The following IQSEC3 variants were observed in gnomAD, a reference collection of about 807,000 sequenced individuals.
IQSEC3 encodes IQ motif and Sec7 domain ArfGEF 3.
A neutral mutation model predicts 105.4 loss-of-function variants in IQSEC3; 50 were observed. The observed-to-expected ratio is 0.47, with a 90% confidence interval of 0.38 to 0.60. IQSEC3 has a LOEUF of 0.60. Ranked by LOEUF, IQSEC3 falls within the 20% of genes least tolerant of loss-of-function variation. The pLI, the probability that IQSEC3 is intolerant of heterozygous loss-of-function variation, is 0.00. For synonymous variants in IQSEC3, 708 were observed against 746.0 expected (o/e 0.95, Z 0.83); for missense variants, 1,415 against 1,630.0 (o/e 0.87, Z 2.27).
intron 13 of IQSEC3, 132 bp downstream of exon 13, chr12:171,293 C>G (rs1938981097): frequency 1.2e-6 from 2 of 1,613,942 alleles, no homozygotes; most frequent in African/African-American, 2.7e-5. Context: ...TTACCAATTT[C>G]AAGAGATACA....
At chr12:133,079 G>C (rs1327117098) in intron 3 of IQSEC3, among the ~76,000 whole-genome samples, 1 of 152,226 alleles carries the variant, frequency 6.6e-6, no homozygotes, top group African/African-American at 2.4e-5. Context: ...CATCAAAGTA[G>C]AAGTTAAGAG....
At chr12:148,409 A>C (rs1215025800) in intron 5 of IQSEC3, 2 of 152,218 alleles carry the variant, frequency 1.3e-5, no homozygotes, top group Admixed American at 1.3e-4. Context: ...CGAGCCCAGC[A>C]AAAGAAAAAT....
At chr12:126,806 C>A (rs1487873346) in intron 3 of IQSEC3, among the ~76,000 whole-genome samples, 1 of 152,212 alleles carries the variant, frequency 6.6e-6, no homozygotes, top group African/African-American at 2.4e-5. Flanking sequence ...GAGAACAATT[C>A]TTCAACCCAA....
At chr12:155,789 G>A (rs1203826879) in intron 5 of IQSEC3, among the ~76,000 whole-genome samples, 1 of 152,176 alleles carries the variant, frequency 6.6e-6, no homozygotes, top group African/African-American at 2.4e-5. Flanking sequence ...TGGGAGCAGA[G>A]TGGGACTGCT....
chr12:113,469 T>G lies in IQSEC3; in HGVS notation c.624-12164T>G, dbSNP rs1774045350. ...GGAGCAGAGGCTTTAAACCTGCTTC[T>G]TCCTTGTTCCTGTTTGAATGTGTCA... On this transcript the variant is annotated intron_variant, in intron 2 of 13. Coordinates refer to ENST00000538872, the MANE Select transcript of IQSEC3 (RefSeq NM_001170738.2). Among the ~76,000 whole-genome samples, 8 of 152,360 alleles carry G rather than the reference T, an allele frequency of 5.3e-5. No individual in the cohort carries two copies. The South Asian group carries it at 1.7e-3, about 32-fold the overall frequency.
At chr12:87,132 G>C (rs1270783943) in intron 1 of IQSEC3, among the ~76,000 whole-genome samples, 1 of 152,148 alleles carries the variant, frequency 6.6e-6, no homozygotes, top group Non-Finnish European at 1.5e-5. Flanking sequence ...AGTTTTGGCA[G>C]AGCTTATTGG....
In IQSEC3 at chr12:134,792, G is replaced by A. The variant is rs1299123081; in HGVS notation, c.904-3475G>A. 2.7e-5 allele frequency among the ~76,000 whole-genome samples: 4 copies of A among 150,370 alleles called. No homozygotes were observed. The South Asian group carries it at 6.3e-4, about 24-fold the overall frequency. On this transcript the variant is annotated intron_variant, in intron 3 of 13. Coordinates refer to ENST00000538872, the MANE Select transcript of IQSEC3 (RefSeq NM_001170738.2). Reference sequence around the variant, plus strand: ...ACATGCCTGTAATCCCAGCACTTTGGGAGGCCAAGGTGGGGTATAAATAGG... The same window carrying A: ...ACATGCCTGTAATCCCAGCACTTTGAGAGGCCAAGGTGGGGTATAAATAGG...
In IQSEC3 at chr12:125,805, C is replaced by T; in HGVS notation, c.796C>T (p.His266Tyr). 2 of 1,526,124 alleles carry T rather than the reference C, an allele frequency of 1.3e-6. No homozygotes were observed. Among genetic ancestry groups the T allele is most frequent in the Non-Finnish European group, 1.7e-6 (2 of 1,142,976 alleles). 94.5% of individuals were successfully genotyped at this position (1,526,124 alleles called of 1,614,324 possible). A position where few individuals can be genotyped will look rare whatever the true frequency, so the allele number is the denominator to read the frequency against. ...GAASPRAGPQHKASPGRQQPA... is the reference protein window; with the variant it reads ...GAASPRAGPQYKASPGRQQPA... ...TGCCTCCCCAAGGGCTGGCCCCCAG[C>T]ACAAGGCCTCCCCCGGCCGGCAGCA... The change falls in exon 3 of 14, where the codon CAC becomes TAC. Residue 266 changes from histidine (H) to tyrosine (Y), a missense_variant. By Grantham distance (83) the His-to-Tyr change is moderately conservative. Transcript: ENST00000538872.
At chr12:102,598 C>T (rs1864462564) in intron 2 of IQSEC3, among the ~76,000 whole-genome samples, 1 of 152,218 alleles carries the variant, frequency 6.6e-6, no homozygotes, top group African/African-American at 2.4e-5. Flanking sequence ...AACAGAGCCT[C>T]ACCCCTCCCG....
chr12:119,470 G>T (rs1865150616), intron 2 of IQSEC3, among the ~76,000 whole-genome samples: 1 of 152,194 alleles, frequency 6.6e-6, no homozygotes, highest in South Asian at 2.1e-4. Flanking sequence ...ACCCAGAAAA[G>T]TTCCACAGAT....
chr12:70,383 C>A (rs1555067170), intron 1 of IQSEC3, among the ~76,000 whole-genome samples: 2 of 152,270 alleles, frequency 1.3e-5, no homozygotes, highest in African/African-American at 4.8e-5. Flanking sequence ...TCTTGGAGGT[C>A]AGTCCAAGAA....
Position 125,614 on chromosome 12 carries a change from C to T in IQSEC3, c.624-19C>T, listed in dbSNP as rs374560459. 169 of 1,479,356 alleles carry T rather than the reference C, an allele frequency of 1.1e-4. No individual in the cohort carries two copies. Among genetic ancestry groups the T allele is most frequent in the African/African-American group, 1.9e-4 (13 of 68,400 alleles). 91.6% of individuals were successfully genotyped at this position (1,479,356 alleles called of 1,614,324 possible). A position where few individuals can be genotyped will look rare whatever the true frequency, so the allele number is the denominator to read the frequency against. On this transcript the variant is annotated intron_variant, in intron 2 of 13. Transcript: ENST00000538872. ...GTCGCCCTCTCCCCCAACCGAGCAC[C>T]GTTGCCTTCTGTTCACAGTGATGGC...
intron 5 of IQSEC3, among the ~76,000 whole-genome samples, chr12:156,286 G>A (rs1163258854): frequency 1.3e-5 from 2 of 152,212 alleles, no homozygotes; most frequent in Non-Finnish European, 2.9e-5. Context: ...CTTTTCAGAA[G>A]GTCACACAGA....
At chr12:168,725 A>G (rs890542551) in intron 11 of IQSEC3, among the ~76,000 whole-genome samples, 7 of 152,136 alleles carry the variant, frequency 4.6e-5, no homozygotes, top group African/African-American at 1.7e-4. Flanking sequence ...TGTCAGGACC[A>G]GGACCCAAAC....
chr12:127,338 G>T (rs1445870403), intron 3 of IQSEC3, among the ~76,000 whole-genome samples: 1 of 152,036 alleles, frequency 6.6e-6, no homozygotes, highest in Non-Finnish European at 1.5e-5. Flanking sequence ...GCCCAATATG[G>T]TGAAACCCTG....
intron 5 of IQSEC3, 154 bp downstream of exon 5, chr12:141,439 A>G (rs2291926): frequency 0.07 from 54,064 of 768,776 alleles, 2,306 homozygotes; most frequent in South Asian, 0.14. Flanking sequence ...TCTTTAGCCC[A>G]TCACCCCAGT....
intron 13 of IQSEC3, among the ~76,000 whole-genome samples, chr12:173,051 G>A (rs966774135): frequency 2.6e-5 from 4 of 152,196 alleles, no homozygotes; most frequent in Non-Finnish European, 4.4e-5. Context: ...GCACAAGCCC[G>A]TCCTGGCTGT....
At position 163,494 on chromosome 12, in the gene IQSEC3, G is replaced by T; in HGVS notation, c.2584G>T (p.Val862Leu). ...CGCTGAGCGCCCTGCCCGCGTGCAG[G>T]TGCTGTCCGTGCCCCACCGCCGCCT... is the stretch of plus-strand genomic sequence containing the variant. ...VEKSIVGMKTVLSVPHRRLVC... is the reference protein window; with the variant it reads ...VEKSIVGMKTLLSVPHRRLVC... Residue 862 changes from valine (V) to leucine (L), a missense_variant and splice_region_variant, in exon 9 of 14, where the codon GTG becomes TTG. Around this residue, in one of 6 missense-constraint regions of IQSEC3, gnomAD observed 419 missense variants for 436.2 expected, o/e 0.96. Coordinates refer to ENST00000538872, the MANE Select transcript of IQSEC3 (RefSeq NM_001170738.2). 6.2e-7 allele frequency: 1 copy of T among 1,605,030 alleles called. No individual in the cohort carries two copies.
rs782157708 is a variant in IQSEC3, at chr12:153,361, C to CG, written c.2154-3661dup. Among the ~76,000 whole-genome samples the CG allele has an allele frequency of 3.3e-5, 5 of 152,272 alleles. No homozygotes were observed. In the South Asian group the frequency reaches 1.0e-3, roughly 32 times the overall value. On this transcript the variant is annotated intron_variant, in intron 5 of 13. Coordinates refer to ENST00000538872, the MANE Select transcript of IQSEC3 (RefSeq NM_001170738.2). ...CACCAGCCAGCCAGGAGTGCTGCTGCGGGTCGTCTGCCCCCTGCCGTTGGG... is the reference window on the plus strand; with the variant it reads ...CACCAGCCAGCCAGGAGTGCTGCTGCGGGGTCGTCTGCCCCCTGCCGTTGGG...
Sources: allele counts gnomAD v4.1 joint callset (sites outside exome capture counted in the v4.1 genomes callset), GRCh38; gene constraint gnomAD v4.1.1; regional missense constraint gnomAD v4.1.1; transcripts MANE v1.5; gene names NCBI Gene and HGNC (gene_info 2026-07-23, HGNC 2026-07-21).